The following AGBL1 variants were observed in gnomAD, a reference collection of about 807,000 sequenced individuals.
AGBL1 encodes AGBL carboxypeptidase 1, also known as cytosolic carboxypeptidase 4.
Under a neutral mutation model 118.9 loss-of-function variants are expected in AGBL1, and 130 were observed. That is an observed-to-expected ratio of 1.09 (90% CI 0.95 to 1.26). The LOEUF is 1.26. Among genes scored for constraint, AGBL1 ranks in the 50% most tolerant of loss-of-function variants. The pLI, the probability that AGBL1 is intolerant of heterozygous loss-of-function variation, is 0.00. For missense variants in AGBL1, 1,584 were observed against 1,298.1 expected, an observed-to-expected ratio of 1.22 and a Z score of -3.38; for synonymous variants, 555 against 478.9, an observed-to-expected ratio of 1.16 and a Z score of -2.08.
intron 5 of AGBL1, among the ~76,000 whole-genome samples, chr15:86,221,054 G>A (rs1182076978): frequency 6.6e-6 from 1 of 151,886 alleles, no homozygotes; most frequent in Non-Finnish European, 1.5e-5. Flanking sequence ...ACAAAAATTA[G>A]CCAGGCATGG....
At chr15:86,680,392 C>T (rs1024916522) in intron 22 of AGBL1, among the ~76,000 whole-genome samples, 1 of 151,822 alleles carries the variant, frequency 6.6e-6, no homozygotes, top group Non-Finnish European at 1.5e-5. Flanking sequence ...TTCCCTTTAC[C>T]TAGGAATTCT....
intron 19 of AGBL1, among the ~76,000 whole-genome samples, chr15:86,533,334 T>A (rs201237253): frequency 0.032 from 4,183 of 132,176 alleles, 100 homozygotes; most frequent in East Asian, 0.083. Flanking sequence ...AAGAAGACAT[T>A]TATGCAGCCA....
chr15:86,357,256 T>C (rs2080736032), intron 17 of AGBL1, among the ~76,000 whole-genome samples: 2 of 152,186 alleles, frequency 1.3e-5, no homozygotes, highest in Admixed American at 1.3e-4. Flanking sequence ...TAAGAAAGAA[T>C]TTTCTTCCAG....
chr15:86,715,611 G>C (rs1328133669), intron 22 of AGBL1, among the ~76,000 whole-genome samples: 3 of 152,066 alleles, frequency 2.0e-5, no homozygotes, highest in African/African-American at 7.2e-5. Context: ...AATTTTTTGA[G>C]GAAGAAGATA....
intron 17 of AGBL1, among the ~76,000 whole-genome samples, chr15:86,345,638 A>G (rs1265980764): frequency 6.6e-6 from 1 of 152,220 alleles, no homozygotes; most frequent in Non-Finnish European, 1.5e-5. Flanking sequence ...GCAGCTTCTG[A>G]AATCTCTAAC....
intron 22 of AGBL1, among the ~76,000 whole-genome samples, chr15:86,879,738 C>T (rs1399246120): frequency 6.6e-6 from 1 of 152,166 alleles, no homozygotes; most frequent in African/African-American, 2.4e-5. Flanking sequence ...GCCAGGGATG[C>T]TCACGAAACG....
chr15:86,414,503 G>T (rs143313409), intron 18 of AGBL1, among the ~76,000 whole-genome samples: 2 of 152,274 alleles, frequency 1.3e-5, no homozygotes, highest in Non-Finnish European at 2.9e-5. Flanking sequence ...TTTCTTAATG[G>T]CTTCTGCAGG....
intron 5 of AGBL1, among the ~76,000 whole-genome samples, chr15:86,195,318 A>G (rs1448098626): frequency 3.3e-5 from 5 of 152,148 alleles, no homozygotes; most frequent in Non-Finnish European, 7.4e-5. Context: ...CTGAATTTGC[A>G]TATAGTCATC....
At chr15:86,393,776 C>A (rs954830790) in intron 17 of AGBL1, among the ~76,000 whole-genome samples, 18 of 152,030 alleles carry the variant, frequency 1.2e-4, no homozygotes, top group African/African-American at 4.3e-4. Context: ...TATGTCCTCC[C>A]AAAATTATAT....
At chr15:86,814,302 A>G (rs1354756476) in intron 22 of AGBL1, among the ~76,000 whole-genome samples, 1 of 152,170 alleles carries the variant, frequency 6.6e-6, no homozygotes, top group Non-Finnish European at 1.5e-5. Flanking sequence ...GAGGTGGAAC[A>G]ATTTCATCCC....
At chr15:86,545,462 G>C (rs1281706330) in intron 19 of AGBL1, among the ~76,000 whole-genome samples, 1 of 152,048 alleles carries the variant, frequency 6.6e-6, no homozygotes, top group Non-Finnish European at 1.5e-5. Context: ...GTAAACTTGT[G>C]TCATGGAGCT....
intron 22 of AGBL1, among the ~76,000 whole-genome samples, chr15:86,753,152 G>A (rs1338714672): frequency 3.3e-5 from 5 of 152,034 alleles, no homozygotes; most frequent in Admixed American, 2.6e-4. Context: ...GTGTCTCTAT[G>A]TTATATAGAT....
chr15:86,925,143 A>AGGAGGAGGAG lies in AGBL1; in HGVS notation c.3222-62843_3222-62842insGAGGAGGAGG, dbSNP rs1194394687. Among the ~76,000 whole-genome samples, 68 of 80,570 alleles carry AGGAGGAGGAG rather than the reference A, an allele frequency of 8.4e-4. 1 individual carries two copies. The highest frequency in any genetic ancestry group is 1.5e-3 in the African/African-American group (44 of 28,772). 52.9% of individuals were successfully genotyped at this position (80,570 alleles called of 152,430 possible). A position where few individuals can be genotyped will look rare whatever the true frequency, so the allele number is the denominator to read the frequency against. ...AAGAAGAAGAGGAAGAGGAAGAGGA[A>AGGAGGAGGAG]GAGGAGGAGGAGGAGGAGGAGGAGG... On this transcript the variant is annotated intron_variant, in intron 23 of 24. Transcript: ENST00000441037.
intron 9 of AGBL1, among the ~76,000 whole-genome samples, chr15:86,262,078 C>CTTTTTTTTCTTTTTTTTTT (rs2078997700): frequency 1.9e-5 from 1 of 52,768 alleles, no homozygotes; most frequent in African/African-American, 6.1e-5. Context: ...GCATAGCTGG[C>CTTTTTTTTCTTTTTTTTTT]TTTTTTTTTT....
Position 86,805,469 on chromosome 15 carries a change from C to G in AGBL1, c.3159-101618C>G, listed in dbSNP as rs140384926. The stretch of plus-strand genomic sequence containing the variant: ...ACCACTCAGCATCTAGCCCTCTCTG[C>G]TGAGCCTTCCAACAAGGGAGCTAAT... On this transcript the variant is annotated intron_variant, in intron 22 of 22. Transcript: ENST00000614907. Among the ~76,000 whole-genome samples the G allele has an allele frequency of 5.1e-3, 774 of 152,248 alleles. 5 individuals carry two copies. Among genetic ancestry groups the G allele is most frequent in the Non-Finnish European group, 8.4e-3 (571 of 68,014 alleles).
chr15:86,627,222 A>G (rs2084902162), intron 21 of AGBL1, among the ~76,000 whole-genome samples: 1 of 151,788 alleles, frequency 6.6e-6, no homozygotes, highest in Non-Finnish European at 1.5e-5. Context: ...CTAGTCTCGA[A>G]CTCCCGACCT....
intron 5 of AGBL1, among the ~76,000 whole-genome samples, chr15:86,168,130 TG>T (rs2141740683): frequency 6.6e-6 from 1 of 152,332 alleles, no homozygotes; most frequent in African/African-American, 2.4e-5. Context: ...CAGAGATTTG[TG>T]GGCATTGAGT....
At chr15:86,418,261 GATC>G (rs1194211497) in intron 18 of AGBL1, among the ~76,000 whole-genome samples, 1 of 152,186 alleles carries the variant, frequency 6.6e-6, no homozygotes, top group Non-Finnish European at 1.5e-5. Context: ...ATTTAGTTAT[GATC>G]ATTCAACCAC....
At chr15:86,740,991 A>G (rs2077669611) in intron 22 of AGBL1, among the ~76,000 whole-genome samples, 1 of 152,058 alleles carries the variant, frequency 6.6e-6, no homozygotes, top group Admixed American at 6.6e-5. Flanking sequence ...CTCAGAGGAC[A>G]CATGGAAGAA....
Sources: allele counts gnomAD v4.1 joint callset (sites outside exome capture counted in the v4.1 genomes callset), GRCh38; gene constraint gnomAD v4.1.1; transcripts MANE v1.5; gene names NCBI Gene and HGNC (gene_info 2026-07-23, HGNC 2026-07-21).